Variants in ACSL3 observed in about 807,000 individuals in gnomAD.
ACSL3 encodes the protein acyl-CoA synthetase long chain family member 3, also known as fatty acid CoA ligase Acsl3.
A neutral mutation model predicts 84.7 loss-of-function variants in ACSL3; 34 were observed. That is an observed-to-expected ratio of 0.40 (90% CI 0.31 to 0.53). The LOEUF is 0.53. Ranked by LOEUF, ACSL3 falls within the 20% of genes least tolerant of loss-of-function variation. The probability of loss-of-function intolerance (pLI) is 0.48; values close to 1 mark genes in which losing one functional copy is unlikely to be tolerated. For missense variants in ACSL3, 680 were observed against 873.1 expected (o/e 0.78, Z 2.79); for synonymous variants, 315 against 299.4 (o/e 1.05, Z -0.54).
At chr2:222,867,336 T>G (rs1695177117) in intron 1 of ACSL3, among the ~76,000 whole-genome samples, 1 of 152,198 alleles carries the variant, frequency 6.6e-6, no homozygotes, top group Non-Finnish European at 1.5e-5. Flanking sequence ...TTCATAAAAT[T>G]TAATCCACTT....
rs570904580 is a variant in ACSL3 at position 222,934,660 on chromosome 2, A to G, written c.1978A>G (p.Lys660Glu). 1.9e-6 allele frequency: 3 copies of G among 1,608,216 alleles called. No individual in the cohort carries two copies. Among genetic ancestry groups the G allele is most frequent in the Admixed American group, 3.4e-5 (2 of 59,108 alleles). The stretch of plus-strand genomic sequence containing the variant: ...TTGTGAAATGGAAAATGAGGTACTT[A>G]AAGTGCTTTCCGAAGCTGCTATTTC... ...NSCEMENEVL[K>E]VLSEAAISAS... Residue 660 changes from lysine (K) to glutamate (E), a missense_variant, in exon 16 of 17, where the codon AAA becomes GAA. By Grantham distance (56) the Lys-to-Glu change is moderately conservative (BLOSUM62 1). Coordinates refer to ENST00000357430, the MANE Select transcript of ACSL3 (RefSeq NM_004457.5).
intron 9 of ACSL3, 97 bp downstream of exon 9, chr2:222,922,928 G>A: frequency 1.3e-6 from 2 of 1,515,252 alleles, no homozygotes; most frequent in African/African-American, 1.4e-5. Flanking sequence ...GAGAGCGATG[G>A]TTCATTTTAA....
At chr2:222,933,062 T>G in intron 14 of ACSL3, 104 bp from the exon 15 acceptor site, 1 of 647,056 alleles carries the variant, frequency 1.5e-6, no homozygotes, top group South Asian at 2.6e-5. Context: ...TTAAATAATT[T>G]GATAGCAAAT....
At chr2:222,877,270 G>C (rs1263497703) in intron 1 of ACSL3, among the ~76,000 whole-genome samples, 1 of 152,168 alleles carries the variant, frequency 6.6e-6, no homozygotes, top group Non-Finnish European at 1.5e-5. Flanking sequence ...TTGGAGTTTT[G>C]TACTTGAGAG....
rs765672015 is a variant in ACSL3 at position 222,928,956 on chromosome 2, A to G, written c.1540+20A>G. 2.5e-6 allele frequency: 4 copies of G among 1,591,008 alleles called. No individual in the cohort carries two copies. Among genetic ancestry groups the G allele is most frequent in the Non-Finnish European group, 3.4e-6 (4 of 1,162,088 alleles). On this transcript the variant is annotated intron_variant, in intron 13 of 16. Transcript: ENST00000357430. ...AGGAAGGTAATAAACTATTTTAACC[A>G]CAGAGCATTAATTTTTAAAGTATTA...
chr2:222,921,246 A>C, intron 7 of ACSL3, 34 bp from the exon 8 acceptor site: 1 of 1,580,700 alleles, frequency 6.3e-7, no homozygotes, highest in Non-Finnish European at 8.6e-7. Context: ...AATCTCATGA[A>C]AGTGTATGTG....
chr2:222,937,005 G>A (rs760051288), intron 16 of ACSL3, among the ~76,000 whole-genome samples: 12 of 152,150 alleles, frequency 7.9e-5, no homozygotes, highest in Non-Finnish European at 1.5e-4. Context: ...GACATGTCGG[G>A]ATTATGGGGA....
intron 14 of ACSL3, among the ~76,000 whole-genome samples, chr2:222,931,797 T>C (rs939812565): frequency 1.3e-5 from 2 of 152,188 alleles, no homozygotes; most frequent in African/African-American, 2.4e-5. Flanking sequence ...GTCAGTTGTT[T>C]TCCTCCTCCT....
chr2:222,870,448 C>T (rs905945443), intron 1 of ACSL3, among the ~76,000 whole-genome samples: 1 of 152,152 alleles, frequency 6.6e-6, no homozygotes, highest in African/African-American at 2.4e-5. Flanking sequence ...TGTTTCTCTG[C>T]ATTCTATATT....
chr2:222,931,085 C>G (rs1049186359), intron 14 of ACSL3, among the ~76,000 whole-genome samples: 2 of 152,164 alleles, frequency 1.3e-5, no homozygotes, highest in African/African-American at 2.4e-5. Context: ...TTTCTGACAT[C>G]TAGAGATTAG....
intron 4 of ACSL3, among the ~76,000 whole-genome samples, chr2:222,914,277 G>GTGTGTA: frequency 8.3e-6 from 1 of 120,530 alleles, no homozygotes; most frequent in South Asian, 2.7e-4. Flanking sequence ...GTGTGTGTGT[G>GTGTGTA]TATTTTGAGA....
In ACSL3 at chr2:222,930,773, A is replaced by G. The variant is rs1389937989; in HGVS notation, c.1693A>G (p.Ile565Val). ...NGQRWLCTGD[I>V]GEFEPDGCLK... ...ACAAAGGTGGCTCTGTACTGGGGAT[A>G]TTGGAGAGTTTGAACCCGATGGATG... Residue 565 changes from isoleucine to valine, a missense_variant, in exon 14 of 17, where the codon ATT becomes GTT. Transcript: ENST00000357430. 5.0e-6 allele frequency: 8 copies of G among 1,612,744 alleles called. No individual in the cohort carries two copies. The South Asian group carries it at 7.7e-5, about 16-fold the overall frequency.
chr2:222,928,916 A>C lies in ACSL3; in HGVS notation c.1520A>C (p.Lys507Thr). 1 of 1,613,764 alleles carries C rather than the reference A, an allele frequency of 6.2e-7. No individual in the cohort carries two copies. The highest frequency in any genetic ancestry group is 8.5e-7 in the Non-Finnish European group (1 of 1,179,776). ...VGAPLVCCEI[K>T]LKNWEEGGYF... ...GCACCATTAGTTTGCTGTGAAATCA[A>C]ATTAAAAAACTGGGAGGAAGGTAAT... Residue 507 changes from lysine to threonine, a missense_variant, in exon 13 of 17, where the codon AAA (lysine) becomes ACA (threonine). Lys to Thr is a moderately conservative substitution (Grantham distance 78). This residue lies in a region of ACSL3 where 347 missense variants were observed against 525.7 expected (regional missense o/e 0.66). Transcript: ENST00000357430.
intron 1 of ACSL3, among the ~76,000 whole-genome samples, chr2:222,872,781 A>G (rs1281370636): frequency 6.7e-6 from 1 of 149,274 alleles, no homozygotes; most frequent in Admixed American, 6.7e-5. Flanking sequence ...GGGGGATGGT[A>G]GTGGGGCGGT....
At chr2:222,904,258 C>T (rs904581746) in intron 3 of ACSL3, among the ~76,000 whole-genome samples, 3 of 149,036 alleles carry the variant, frequency 2.0e-5, no homozygotes, top group Non-Finnish European at 3.0e-5. Context: ...GCAACAAGAG[C>T]GAAACTCCAT....
At chr2:222,863,603 T>G (rs938734690) in intron 1 of ACSL3, among the ~76,000 whole-genome samples, 1 of 152,122 alleles carries the variant, frequency 6.6e-6, no homozygotes, top group African/African-American at 2.4e-5. Context: ...AATATTGGAT[T>G]TAGATTTTTT....
intron 1 of ACSL3, among the ~76,000 whole-genome samples, chr2:222,872,419 A>G (rs1348131594): frequency 6.6e-6 from 1 of 152,174 alleles, no homozygotes; most frequent in Non-Finnish European, 1.5e-5. Flanking sequence ...CCTGGCCGAC[A>G]GTTACATATT....
chr2:222,918,194 A>G, intron 6 of ACSL3, 39 bp downstream of exon 6: 2 of 1,392,442 alleles, frequency 1.4e-6, no homozygotes, highest in Non-Finnish European at 2.0e-6. Context: ...CTGATACTTT[A>G]GAATTTTCAG....
chr2:222,918,161 G>A lies in ACSL3; in HGVS notation c.666+6G>A, dbSNP rs1363241703. On this transcript the variant is annotated splice_donor_region_variant and intron_variant, in intron 6 of 16. Transcript: ENST00000357430. ...TCTTACAAACAAAGTTGAAGGTGAGGACTCTAGTTACTTTCTAACTGTCTG... is the reference window on the plus strand; with the variant it reads ...TCTTACAAACAAAGTTGAAGGTGAGAACTCTAGTTACTTTCTAACTGTCTG... 1.9e-6 allele frequency: 3 copies of A among 1,576,916 alleles called. No homozygotes were observed. The South Asian group carries it at 3.3e-5, about 18-fold the overall frequency.
Sources: allele counts gnomAD v4.1 joint callset (sites outside exome capture counted in the v4.1 genomes callset), GRCh38; gene constraint gnomAD v4.1.1; regional missense constraint gnomAD v4.1.1; transcripts MANE v1.5; gene names NCBI Gene and HGNC (gene_info 2026-07-23, HGNC 2026-07-21).